BRD7: variants seen among roughly 807,000 people sequenced by gnomAD.
The protein encoded by BRD7 is bromodomain containing 7, also known as bromodomain-containing protein 7.
Under a neutral mutation model 82.1 loss-of-function variants are expected in BRD7, and 15 were observed. The observed-to-expected ratio is 0.18, with a 90% confidence interval of 0.12 to 0.28. BRD7 has a LOEUF of 0.28. Among genes scored for constraint, BRD7 ranks in the 10% least tolerant of loss-of-function variants. The pLI is 1.00. For missense variants in BRD7, 638 were observed against 779.9 expected, an observed-to-expected ratio of 0.82 and a Z score of 2.17; for synonymous variants, 232 against 266.9, an observed-to-expected ratio of 0.87 and a Z score of 1.27.
intron 7 of BRD7, among the ~76,000 whole-genome samples, chr16:50,334,323 T>C (rs1334710503): frequency 6.6e-6 from 1 of 152,246 alleles, no homozygotes; most frequent in Non-Finnish European, 1.5e-5. Flanking sequence ...GCCCATCTGC[T>C]TAAGACGCAG....
chr16:50,350,518 C>G (rs2038474843), intron 4 of BRD7, among the ~76,000 whole-genome samples: 1 of 152,148 alleles, frequency 6.6e-6, no homozygotes, highest in South Asian at 2.1e-4. Flanking sequence ...TTTTAACCAA[C>G]CAAAGGGGAA....
At chr16:50,368,599 C>A (rs1427157630) in intron 1 of BRD7, 127 bp downstream of exon 1, 2 of 1,015,986 alleles carry the variant, frequency 2.0e-6, no homozygotes, top group South Asian at 4.2e-5. Flanking sequence ...CAGGACGCGC[C>A]CCCTTCGCCG....
chr16:50,366,198 T>C (rs975933887), intron 2 of BRD7, among the ~76,000 whole-genome samples: 2 of 152,190 alleles, frequency 1.3e-5, no homozygotes, highest in African/African-American at 4.8e-5. Context: ...TTAGAACTTA[T>C]AAAATCTACC....
intron 5 of BRD7, among the ~76,000 whole-genome samples, chr16:50,346,002 T>C (rs2038268518): frequency 6.6e-6 from 1 of 152,174 alleles, no homozygotes; most frequent in Non-Finnish European, 1.5e-5. Context: ...ATTCCAAAAT[T>C]GACCACACAG....
chr16:50,349,263 G>A (rs2038417602), intron 5 of BRD7: 2 of 216,698 alleles, frequency 9.2e-6, no homozygotes, highest in Non-Finnish European at 1.9e-5. Context: ...GGGGCATGGG[G>A]GAGGGGTAGC....
chr16:50,340,400 AT>A (rs1461949312), intron 5 of BRD7, among the ~76,000 whole-genome samples: 10 of 152,366 alleles, frequency 6.6e-5, no homozygotes, highest in South Asian at 4.1e-4. Flanking sequence ...CATAAAAAAA[AT>A]GTGAAGAAAA....
chr16:50,338,686 T>G lies in BRD7; in HGVS notation c.702+1290A>C, dbSNP rs188190418. Among the ~76,000 whole-genome samples, 522 of 152,300 alleles carry G rather than the reference T, an allele frequency of 3.4e-3. 6 individuals are homozygous for G. Among genetic ancestry groups the G allele is most frequent in the South Asian group, 0.014 (67 of 4,828 alleles). On this transcript the variant is annotated intron_variant, in intron 6 of 16. Coordinates refer to ENST00000394688, the MANE Select transcript of BRD7 (RefSeq NM_013263.5). Reference sequence around the variant, plus strand: ...TTCATAGTATCCTCTCTACTCTACCTCTTATCTAGAATCAGAACAGTAATG... The same window carrying G: ...TTCATAGTATCCTCTCTACTCTACCGCTTATCTAGAATCAGAACAGTAATG...
At chr16:50,349,517 G>A (rs771269711) in intron 5 of BRD7, 2 of 468,372 alleles carry the variant, frequency 4.3e-6, no homozygotes, top group African/African-American at 2.0e-5. Context: ...GTTCCAGTAC[G>A]ATTGTAAGTT....
chr16:50,321,327 G>A (rs1035839622), intron 13 of BRD7, among the ~76,000 whole-genome samples: 3 of 152,278 alleles, frequency 2.0e-5, no homozygotes, highest in East Asian at 3.9e-4. Flanking sequence ...TCGGGAGGCC[G>A]AGGTGGGCGG....
chr16:50,345,197 C>A (rs1022221724), intron 5 of BRD7, among the ~76,000 whole-genome samples: 33 of 152,284 alleles, frequency 2.2e-4, no homozygotes, highest in Non-Finnish European at 4.1e-4. Context: ...GAAATAAAAT[C>A]TTTTACAGAC....
chr16:50,328,751 T>A lies in BRD7; in HGVS notation c.1012-7A>T, dbSNP rs757820106. Reference sequence around the variant, plus strand: ...TTCTTCTTTCAAATTCGCACTGCAATGACCCAAAGTATTCAGATGGAATGA... The same window carrying A: ...TTCTTCTTTCAAATTCGCACTGCAAAGACCCAAAGTATTCAGATGGAATGA... On this transcript the variant is annotated splice_polypyrimidine_tract_variant and splice_region_variant and intron_variant, in intron 8 of 16. Transcript: ENST00000394688. The A allele has an allele frequency of 5.9e-5, 95 of 1,613,060 alleles. No individual in the cohort carries two copies. Among genetic ancestry groups the A allele is most frequent in the Non-Finnish European group, 7.9e-5 (93 of 1,179,588 alleles).
chr16:50,338,022 C>T (rs1040641828), intron 6 of BRD7, among the ~76,000 whole-genome samples: 3 of 152,140 alleles, frequency 2.0e-5, no homozygotes, highest in Non-Finnish European at 4.4e-5. Context: ...GTATTAACTA[C>T]ATTACTTAAG....
intron 2 of BRD7, among the ~76,000 whole-genome samples, chr16:50,367,131 C>T (rs1471692418): frequency 6.6e-6 from 1 of 152,156 alleles, no homozygotes; most frequent in Non-Finnish European, 1.5e-5. Context: ...AGAAAAATTA[C>T]ATAACTAACC....
At chr16:50,367,212 T>C (rs910291016) in intron 2 of BRD7, among the ~76,000 whole-genome samples, 3 of 152,206 alleles carry the variant, frequency 2.0e-5, no homozygotes, top group African/African-American at 7.2e-5. Context: ...GGAAAGTTAA[T>C]AACAGTAATA....
intron 4 of BRD7, among the ~76,000 whole-genome samples, chr16:50,353,815 G>T (rs2038630878): frequency 6.7e-6 from 1 of 148,428 alleles, no homozygotes; most frequent in Non-Finnish European, 1.5e-5. Context: ...AGCCAGGATG[G>T]TCTCAATCTC....
intron 4 of BRD7, 127 bp from the exon 5 acceptor site, chr16:50,350,294 T>A: frequency 1.5e-6 from 1 of 655,826 alleles, no homozygotes; most frequent in Non-Finnish European, 2.3e-6. Flanking sequence ...AACATATTTT[T>A]AACTGAAAAC....
Position 50,334,968 on chromosome 16 carries a change from A to G in BRD7, c.703-73T>C, listed in dbSNP as rs111283092. The stretch of plus-strand genomic sequence containing the variant: ...TAAAGTAATGCATTTTTTTCCCCAC[A>G]GGAGTTTATACTTATCCTGTCATTA... On this transcript the variant is annotated intron_variant, in intron 6 of 16. Transcript: ENST00000394688. The G allele has an allele frequency of 3.3e-3, 4,651 of 1,415,096 alleles. 118 individuals carry two copies. The African/African-American group carries it at 0.058, about 18-fold the overall frequency. 87.7% of individuals were successfully genotyped at this position (1,415,096 alleles called of 1,614,324 possible).
intron 5 of BRD7, among the ~76,000 whole-genome samples, chr16:50,342,726 GAC>G (rs373039692): frequency 1.1e-3 from 162 of 152,094 alleles, no homozygotes; most frequent in African/African-American, 3.6e-3. Context: ...TGGCCATAAA[GAC>G]ACTATCTTAT....
At chr16:50,326,893 A>G (rs1461251024) in intron 9 of BRD7, among the ~76,000 whole-genome samples, 1 of 152,216 alleles carries the variant, frequency 6.6e-6, no homozygotes, top group African/African-American at 2.4e-5. Context: ...GGAATACGTG[A>G]CATAGAGAAA....
Sources: allele counts gnomAD v4.1 joint callset (sites outside exome capture counted in the v4.1 genomes callset), GRCh38; gene constraint gnomAD v4.1.1; transcripts MANE v1.5; gene names NCBI Gene and HGNC (gene_info 2026-07-23, HGNC 2026-07-21).